Variants in PIEZO1 observed in about 807,000 individuals in gnomAD.
PIEZO1 encodes the protein piezo type mechanosensitive ion channel component 1 (Er blood group).
PIEZO1 carries 296 observed loss-of-function variants against 297.2 expected under a neutral mutation model. That is an observed-to-expected ratio of 1.00 (90% CI 0.91 to 1.10). The LOEUF is 1.10. PIEZO1 is among the 50% of genes least tolerant of loss of function. The probability of loss-of-function intolerance (pLI) is 0.00; values close to 1 mark genes in which losing one functional copy is unlikely to be tolerated. For synonymous variants in PIEZO1, 2,427 were observed against 1,507.5 expected (o/e 1.61, Z -14.13); for missense variants, 5,018 against 3,455.5 (o/e 1.45, Z -11.34).
In PIEZO1 at chr16:88,731,774, A is replaced by G; in HGVS notation, c.3128T>C (p.Leu1043Pro). The G allele has an allele frequency of 6.5e-7, 1 of 1,549,550 alleles. No individual in the cohort carries two copies. Among genetic ancestry groups the G allele is most frequent in the Non-Finnish European group, 8.7e-7 (1 of 1,146,766 alleles). The change falls in exon 22 of 51, where the codon CTC becomes CCC. Residue 1043 changes from leucine (L) to proline (P), a missense_variant. Transcript: ENST00000301015. ...AIARLWPNYC[L>P]FLALFLLYQY... ...GTACAGCAGGAACAGCGCCAGGAAG[A>G]GGCAGTAGTTGGGCCAGAGGCGGGC...
chr16:88,732,675 G>A lies in PIEZO1; in HGVS notation c.2722C>T (p.Arg908Trp), dbSNP rs755398062. The change falls in exon 20 of 51, where the codon CGG becomes TGG. Residue 908 changes from arginine (R) to tryptophan (W), a missense_variant. Arg to Trp is a moderately radical substitution (Grantham distance 101, BLOSUM62 -3). Coordinates refer to ENST00000301015, the MANE Select transcript of PIEZO1 (RefSeq NM_001142864.4). ...CAGTTGGCAGGGTCCACGGGCCCCCGGTACAGCAGGGACTGGCTGATCTCC... is the reference window on the plus strand; with the variant it reads ...CAGTTGGCAGGGTCCACGGGCCCCCAGTACAGCAGGGACTGGCTGATCTCC... ...PTEISQSLLY[R>W]GPVDPANWFG... 1.3e-4 allele frequency: 203 copies of A among 1,549,438 alleles called. No homozygotes were observed. The highest frequency in any genetic ancestry group is 3.9e-4 in the East Asian group (16 of 40,930).
At position 88,715,950 on chromosome 16, in the gene PIEZO1, G is replaced by A. The variant is rs1295850996; in HGVS notation, c.7299C>T (p.Gly2433=). The A allele has an allele frequency of 6.5e-7, 1 of 1,549,520 alleles. No homozygotes were observed. The highest frequency in any genetic ancestry group is 8.7e-7 in the Non-Finnish European group (1 of 1,146,514). ...FSDKVSPPSL[G]FLAGYGIMGL... ...TCACTCACCCGTAGCCAGCCAGGAA[G>A]CCGAGGCTCGGTGGGCTGACCTTGT... The change falls in exon 50 of 51, where the codon GGC becomes GGT. Residue 2433 remains glycine, a synonymous_variant. Coordinates refer to ENST00000301015, the MANE Select transcript of PIEZO1 (RefSeq NM_001142864.4).
At chr16:88,750,304 C>A (rs1206101850) in intron 1 of PIEZO1, among the ~76,000 whole-genome samples, 2 of 152,216 alleles carry the variant, frequency 1.3e-5, no homozygotes, top group Non-Finnish European at 2.9e-5. Context: ...CCACTGCACT[C>A]CAGCCTGGGC....
chr16:88,736,177 G>A lies in PIEZO1; in HGVS notation c.1528C>T (p.Arg510Cys), dbSNP rs1309113939. 20 of 1,548,518 alleles carry A rather than the reference G, an allele frequency of 1.3e-5. No homozygotes were observed. In the Admixed American group the frequency reaches 2.9e-4, roughly 23 times the overall value. ...GCACCAAGGTCCAGACAGGGGTAGC[G>A]GGTGTGCTCCAGCCCCAGCTGGCGC... ...SLRQLGLEHTRYPCLDLGAML... is the reference protein window; with the variant it reads ...SLRQLGLEHTCYPCLDLGAML... The change falls in exon 12 of 51, where the codon CGC (arginine) becomes TGC (cysteine). Residue 510 changes from arginine (R) to cysteine (C), a missense_variant. Transcript: ENST00000301015.
In PIEZO1 at chr16:88,721,165, C is replaced by T; in HGVS notation, c.5668+1G>A. On this transcript the variant is annotated splice_donor_variant, in intron 39 of 50. Transcript: ENST00000301015. LOFTEE classifies it high-confidence loss of function. ...GAGGTTGTGAGGCAGGGCGCTTATACCGATGGCTGCCGCTCCTTTCCGTGC... is the reference window on the plus strand; with the variant it reads ...GAGGTTGTGAGGCAGGGCGCTTATATCGATGGCTGCCGCTCCTTTCCGTGC... The T allele has an allele frequency of 6.7e-7, 1 of 1,498,984 alleles. No individual in the cohort carries two copies. The highest frequency in any genetic ancestry group is 8.9e-7 in the Non-Finnish European group (1 of 1,125,206). 92.9% of individuals were successfully genotyped at this position (1,498,984 alleles called of 1,614,324 possible).
chr16:88,774,233 T>C (rs1429630938), intron 1 of PIEZO1, among the ~76,000 whole-genome samples: 2 of 152,074 alleles, frequency 1.3e-5, no homozygotes, highest in Non-Finnish European at 2.9e-5. Flanking sequence ...GCTGTAATAA[T>C]ATAAACTAGA....
chr16:88,736,012 T>C, intron 12 of PIEZO1, 136 bp downstream of exon 12: 1 of 854,994 alleles, frequency 1.2e-6, no homozygotes, highest in Non-Finnish European at 1.8e-6. Flanking sequence ...TGGCTCTGGG[T>C]GGGCAGAAGG....
intron 44 of PIEZO1, 130 bp downstream of exon 44, chr16:88,719,444 C>T: frequency 2.4e-6 from 2 of 828,532 alleles, no homozygotes; most frequent in Non-Finnish European, 3.8e-6. Flanking sequence ...GGGCTCGCCT[C>T]ATGTCCCCAT....
chr16:88,734,643 G>A lies in PIEZO1; in HGVS notation c.1997+7C>T. The A allele has an allele frequency of 6.5e-7, 1 of 1,550,168 alleles. No homozygotes were observed. Among genetic ancestry groups the A allele is most frequent in the Non-Finnish European group, 8.7e-7 (1 of 1,146,878 alleles). On this transcript the variant is annotated splice_region_variant and intron_variant, in intron 15 of 50. Coordinates refer to ENST00000301015, the MANE Select transcript of PIEZO1 (RefSeq NM_001142864.4). ...GCCCCTGCCCCACCGCCCCAGCCTGGACTCACTGCTCGTCGGTGAAGCCAG... is the reference window on the plus strand; with the variant it reads ...GCCCCTGCCCCACCGCCCCAGCCTGAACTCACTGCTCGTCGGTGAAGCCAG...
rs1346123577 is a variant in PIEZO1, at chr16:88,726,626, G to A, written c.3717C>T (p.Phe1239=). ...KNMLSLLACV[F]VEQMQTGFCW... ...AGAAGCCGGTCTGCATCTGCTCCACGAAGACGCAGGCCAGGAGCTGGGGGA... is the reference window on the plus strand; with the variant it reads ...AGAAGCCGGTCTGCATCTGCTCCACAAAGACGCAGGCCAGGAGCTGGGGGA... Residue 1239 remains phenylalanine, a synonymous_variant, in exon 26 of 51, where the codon TTC becomes TTT. Transcript: ENST00000301015. 1.2e-5 allele frequency: 18 copies of A among 1,532,562 alleles called. No homozygotes were observed. The Admixed American group carries it at 2.0e-4, about 17-fold the overall frequency. The allele number at this position is 1,532,562 out of a possible 1,614,324, so 94.9% of individuals were successfully genotyped here.
intron 1 of PIEZO1, among the ~76,000 whole-genome samples, chr16:88,776,836 GGCT>G (rs549645731): frequency 3.9e-5 from 6 of 152,312 alleles, no homozygotes; most frequent in Admixed American, 6.5e-5. Flanking sequence ...TGTGCAACAG[GGCT>G]GCTGCTGCTG....
chr16:88,720,801 C>G (rs948469070), intron 39 of PIEZO1, 53 bp from the exon 40 acceptor site: 2 of 1,447,498 alleles, frequency 1.4e-6, no homozygotes, highest in African/African-American at 2.9e-5. Flanking sequence ...GGGCCTGGCT[C>G]ATGGCTCCTG....
At position 88,717,217 on chromosome 16, in the gene PIEZO1, G is replaced by T; in HGVS notation, c.6472-6C>A. 6.5e-7 allele frequency: 1 copy of T among 1,547,112 alleles called. No homozygotes were observed. The highest frequency in any genetic ancestry group is 8.7e-7 in the Non-Finnish European group (1 of 1,146,782). The stretch of plus-strand genomic sequence containing the variant: ...CCTTTGGGCTGCGGGTATTTCTGGA[G>T]GGGAACGACACAGGTCATACGCTCA... On this transcript the variant is annotated splice_region_variant and splice_polypyrimidine_tract_variant and intron_variant, in intron 44 of 50. Coordinates refer to ENST00000301015, the MANE Select transcript of PIEZO1 (RefSeq NM_001142864.4).
In PIEZO1 at chr16:88,727,590, A is replaced by C; in HGVS notation, c.3268T>G (p.Phe1090Val). 6.5e-7 allele frequency: 1 copy of C among 1,534,206 alleles called. No homozygotes were observed. The change falls in exon 23 of 51, where the codon TTC (phenylalanine) becomes GTC (valine). Residue 1090 changes from phenylalanine to valine, a missense_variant. By Grantham distance (50) the Phe-to-Val change is conservative. Transcript: ENST00000301015. ...TTGGTGGAGTTGGGGGCCCGGAAGA[A>C]ATCAGGCAGGTACAGCCACTTGATG... is the stretch of plus-strand genomic sequence containing the variant. ...ALIKWLYLPD[F>V]FRAPNSTNLI...
In PIEZO1 at chr16:88,722,334, G is replaced by T; in HGVS notation, c.4839C>A (p.Thr1613=). ...MTDDMGSPLS[T]GYHTRSGSEE... is the part of the protein sequence containing the mutation. ...CACTGCCACTGCGCGTGTGGTAGCCGGTGCTCAGGGGGCTGCCCATGTCGT... is the reference window on the plus strand; with the variant it reads ...CACTGCCACTGCGCGTGTGGTAGCCTGTGCTCAGGGGGCTGCCCATGTCGT... Residue 1613 remains threonine (T), a synonymous_variant, in exon 36 of 51, where the codon ACC becomes ACA. Transcript: ENST00000301015. 1 of 1,541,278 alleles carries T rather than the reference G, an allele frequency of 6.5e-7. No homozygotes were observed. Among genetic ancestry groups the T allele is most frequent in the Non-Finnish European group, 8.7e-7 (1 of 1,143,024 alleles).
intron 1 of PIEZO1, among the ~76,000 whole-genome samples, chr16:88,753,199 G>GC (rs1906483603): frequency 2.2e-5 from 1 of 45,344 alleles, no homozygotes; most frequent in Non-Finnish European, 4.2e-5. Flanking sequence ...AGCACACCCC[G>GC]CCCCCCAGAG....
chr16:88,743,940 C>T (rs1397688214), intron 2 of PIEZO1: 2 of 290,502 alleles, frequency 6.9e-6, no homozygotes, highest in East Asian at 1.9e-4. Context: ...AGGCTGCAGC[C>T]CCGACACGAA....
chr16:88,731,703 C>G lies in PIEZO1; in HGVS notation c.3196+3G>C. ...ACTCCCACCCAAGCCACGTGCCCCT[C>G]ACCAATGCACAGGGCCGGGGGCATC... On this transcript the variant is annotated splice_donor_region_variant and intron_variant, in intron 22 of 50. Transcript: ENST00000301015. The G allele has an allele frequency of 6.5e-7, 1 of 1,548,700 alleles. No individual in the cohort carries two copies. The highest frequency in any genetic ancestry group is 1.2e-5 in the South Asian group (1 of 83,996).
intron 5 of PIEZO1, chr16:88,739,021 G>A (rs557392939): frequency 5.8e-6 from 3 of 518,678 alleles, no homozygotes; most frequent in African/African-American, 5.7e-5. Flanking sequence ...GGCACGTGAT[G>A]ACCTTGCCAG....
Sources: allele counts gnomAD v4.1 joint callset (sites outside exome capture counted in the v4.1 genomes callset), GRCh38; gene constraint gnomAD v4.1.1; transcripts MANE v1.5; gene names NCBI Gene and HGNC (gene_info 2026-07-23, HGNC 2026-07-21).